The following SF3B3 variants were observed in gnomAD, a reference collection of about 807,000 sequenced individuals.
SF3B3 encodes SAP 130.
Under a neutral mutation model 139.2 loss-of-function variants are expected in SF3B3, and 33 were observed. The observed-to-expected ratio is 0.24, with a 90% CI of 0.18 to 0.32. SF3B3 has a LOEUF of 0.32. Among genes scored for constraint, SF3B3 ranks in the 10% least tolerant of loss-of-function variants. SF3B3 has a pLI of 1.00. For missense variants in SF3B3, 818 were observed against 1,509.4 expected (o/e 0.54, Z 7.59); for synonymous variants, 596 against 563.6 (o/e 1.06, Z -0.81).
chr16:70,535,596 G>A (rs536373500), intron 6 of SF3B3, among the ~76,000 whole-genome samples, 176 bp downstream of exon 6: 15 of 152,286 alleles, frequency 9.8e-5, no homozygotes, highest in Non-Finnish European at 1.6e-4. Context: ...TTTAGTAAAA[G>A]CCAAACAAAT....
At chr16:70,571,051 T>C (rs1390628272) in intron 24 of SF3B3, 44 bp from the exon 25 acceptor site, 1 of 1,377,536 alleles carries the variant, frequency 7.3e-7, no homozygotes, top group African/African-American at 1.4e-5. Context: ...TCTAGACTAG[T>C]TGAAATCACT....
At chr16:70,539,977 T>C (rs1030596520) in intron 8 of SF3B3, among the ~76,000 whole-genome samples, 4 of 151,048 alleles carry the variant, frequency 2.6e-5, no homozygotes, top group Non-Finnish European at 4.4e-5. Flanking sequence ...GGTTTCTCCA[T>C]GTTAGTCAGG....
intron 12 of SF3B3, 24 bp downstream of exon 12, chr16:70,554,621 A>C: frequency 2.5e-6 from 4 of 1,613,174 alleles, no homozygotes; most frequent in Non-Finnish European, 2.5e-6. Context: ...GAGCTTACCT[A>C]CTTGGCCTGC....
In SF3B3 at chr16:70,548,519, T is replaced by A. The variant is rs2050290459; in HGVS notation, c.1402+77T>A. 8.1e-6 allele frequency: 10 copies of A among 1,235,198 alleles called. No homozygotes were observed. In the Admixed American group the frequency reaches 1.7e-4, roughly 21 times the overall value. The allele number at this position is 1,235,198 out of a possible 1,614,324, so 76.5% of individuals were successfully genotyped here. A position where few individuals can be genotyped will look rare whatever the true frequency, so the allele number is the denominator to read the frequency against. On this transcript the variant is annotated intron_variant, in intron 11 of 25. Coordinates refer to ENST00000302516, the MANE Select transcript of SF3B3 (RefSeq NM_012426.5). ...TAGAAGGCTTGAAAGGCTGCGTTCA[T>A]AATACTTCTGTATCATTTCATTTAG...
chr16:70,557,964 T>C (rs928563545), intron 15 of SF3B3, among the ~76,000 whole-genome samples: 1 of 152,220 alleles, frequency 6.6e-6, no homozygotes, highest in African/African-American at 2.4e-5. Flanking sequence ...AATGTGGCTT[T>C]ATAGTTGGTT....
rs1473572921 is a variant in SF3B3 at position 70,572,063 on chromosome 16, C to T, written c.*250C>T. 1.7e-5 allele frequency: 11 copies of T among 640,842 alleles called. No homozygotes were observed. Among genetic ancestry groups the T allele is most frequent in the East Asian group, 6.3e-5 (2 of 31,656 alleles). The allele number at this position is 640,842 out of a possible 1,614,324, so 39.7% of individuals were successfully genotyped here. A position where few individuals can be genotyped will look rare whatever the true frequency, so the allele number is the denominator to read the frequency against. On this transcript the variant is annotated 3_prime_UTR_variant, in exon 26 of 26. Transcript: ENST00000302516. ...CATGACCCCAGGTTCCAGTGTAGAA[C>T]CTGAGTCCCCCATTCCCCAAAGCCA... is the stretch of plus-strand genomic sequence containing the variant.
At chr16:70,569,662 C>G (rs575750659) in intron 23 of SF3B3, among the ~76,000 whole-genome samples, 2 of 152,322 alleles carry the variant, frequency 1.3e-5, no homozygotes, top group South Asian at 4.1e-4. Flanking sequence ...CAAGGTCTCA[C>G]TCAGTCGCCC....
Position 70,561,701 on chromosome 16 carries a change from T to C in SF3B3, c.2205T>C (p.Ser735=), listed in dbSNP as rs772396199. 6.2e-7 allele frequency: 1 copy of C among 1,614,070 alleles called. No homozygotes were observed. Residue 735 remains serine (S), a synonymous_variant, in exon 17 of 26, where the codon TCT becomes TCC. Transcript: ENST00000302516. ...YQSRFHLTPL[S]YETLEFASGF... ...CTCGCTTCCATCTCACCCCACTGTC[T>C]TACGAGACACTGGAATTTGCATCGG...
chr16:70,558,306 G>A (rs1350017668), intron 15 of SF3B3, among the ~76,000 whole-genome samples: 2 of 151,490 alleles, frequency 1.3e-5, no homozygotes, highest in Admixed American at 6.6e-5. Flanking sequence ...AATAGAGATA[G>A]GGTCTCGCTG....
At chr16:70,548,475 G>C (rs1425388267) in intron 11 of SF3B3, 33 bp downstream of exon 11, 2 of 1,578,624 alleles carry the variant, frequency 1.3e-6, no homozygotes, top group Admixed American at 3.3e-5. Flanking sequence ...TCAAAATGAG[G>C]ATCTAGGTGC....
intron 23 of SF3B3, 60 bp downstream of exon 23, chr16:70,569,201 A>C (rs1191842854): frequency 6.5e-6 from 8 of 1,227,460 alleles, no homozygotes; most frequent in Admixed American, 2.1e-5. Context: ...TGTTGCCCTC[A>C]CTGAAGAAAT....
intron 11 of SF3B3, chr16:70,550,771 C>A: frequency 1.8e-6 from 1 of 540,830 alleles, no homozygotes; most frequent in Non-Finnish European, 2.4e-6. Context: ...CTGATGGTGT[C>A]TTTCAGAGGG....
rs2050546648 is a variant in SF3B3, at chr16:70,573,268, C to T, written c.*1455C>T. 1 of 152,150 alleles carries T rather than the reference C, an allele frequency of 6.6e-6. No individual in the cohort carries two copies. 9.4% of individuals were successfully genotyped at this position (152,150 alleles called of 1,614,324 possible). A position where few individuals can be genotyped will look rare whatever the true frequency, so the allele number is the denominator to read the frequency against. On this transcript the variant is annotated 3_prime_UTR_variant, in exon 26 of 26. Coordinates refer to ENST00000302516, the MANE Select transcript of SF3B3 (RefSeq NM_012426.5). ...TAGTTCTGAATTAGATTTTGAAAACCTAATTTCAGGGCTCATTTTTTCCTG... is the reference window on the plus strand; with the variant it reads ...TAGTTCTGAATTAGATTTTGAAAACTTAATTTCAGGGCTCATTTTTTCCTG...
In SF3B3 at chr16:70,528,979, C is replaced by T. The variant is rs373272902; in HGVS notation, c.177C>T (p.Phe59=). The change falls in exon 3 of 26, where the codon TTC becomes TTT. Residue 59 remains phenylalanine (F), a synonymous_variant. Transcript: ENST00000302516. The part of the protein sequence containing the change: ...KVHTLLTVEV[F]GVIRSLMAFR... ...ATACCCTACTCACTGTGGAAGTATTCGGTGTTATCCGGTCACTCATGGCCT... is the reference window on the plus strand; with the variant it reads ...ATACCCTACTCACTGTGGAAGTATTTGGTGTTATCCGGTCACTCATGGCCT... 18 of 1,613,906 alleles carry T rather than the reference C, an allele frequency of 1.1e-5. No individual in the cohort carries two copies. The highest frequency in any genetic ancestry group is 5.0e-5 in the Admixed American group (3 of 59,994).
Position 70,528,961 on chromosome 16 carries a change from A to T in SF3B3, c.159A>T (p.Leu53=). The change falls in exon 3 of 26, where the codon CTA becomes CTT. Residue 53 remains leucine (L), a synonymous_variant. Transcript: ENST00000302516. ...PDPNTGKVHT[L]LTVEVFGVIR... ...CCAACACTGGCAAAGTACATACCCT[A>T]CTCACTGTGGAAGTATTCGGTGTTA... 6.2e-7 allele frequency: 1 copy of T among 1,613,772 alleles called. No individual in the cohort carries two copies. The highest frequency in any genetic ancestry group is 8.5e-7 in the Non-Finnish European group (1 of 1,179,876).
chr16:70,563,330 A>G (rs1168670670), intron 17 of SF3B3, among the ~76,000 whole-genome samples: 2 of 152,326 alleles, frequency 1.3e-5, no homozygotes, highest in African/African-American at 4.8e-5. Flanking sequence ...GAGATCGGGT[A>G]ACTATACTTT....
intron 10 of SF3B3, among the ~76,000 whole-genome samples, chr16:70,547,064 G>GC (rs1302803453): frequency 6.6e-6 from 1 of 152,104 alleles, no homozygotes; most frequent in Non-Finnish European, 1.5e-5. Context: ...GTTGAACGTT[G>GC]CTTTATTCCT....
At chr16:70,560,441 C>T (rs1161045068) in intron 15 of SF3B3, 28 bp from the exon 16 acceptor site, 1 of 1,610,176 alleles carries the variant, frequency 6.2e-7, no homozygotes, top group Admixed American at 1.7e-5. Flanking sequence ...TTCCATCAGG[C>T]TTCACCTGCT....
At chr16:70,548,510 C>T in intron 11 of SF3B3, 68 bp downstream of exon 11, 1 of 1,334,892 alleles carries the variant, frequency 7.5e-7, no homozygotes, top group Non-Finnish European at 1.1e-6. Context: ...GCTTGAAAGG[C>T]TGCGTTCATA....
Sources: gnomAD v4.1 joint callset for allele counts (sites outside exome capture counted in the v4.1 genomes callset) on GRCh38, gnomAD v4.1.1 for gene constraint, MANE v1.5 for transcripts, NCBI Gene and HGNC (gene_info 2026-07-23, HGNC 2026-07-21) for gene names.